SLC39A8: variants seen among roughly 807,000 people sequenced by gnomAD.
SLC39A8 encodes the protein solute carrier family 39 member 8, also known as metal cation symporter ZIP8.
Under a neutral mutation model 40.4 loss-of-function variants are expected in SLC39A8, and 15 were observed. The observed-to-expected ratio is 0.37, with a 90% CI of 0.25 to 0.57. SLC39A8 has a LOEUF of 0.57. Ranked by LOEUF, SLC39A8 falls within the 20% of genes least tolerant of loss-of-function variation. The probability of loss-of-function intolerance (pLI) is 0.75; values close to 1 mark genes in which losing one functional copy is unlikely to be tolerated. For synonymous variants in SLC39A8, 223 were observed against 221.6 expected, an observed-to-expected ratio of 1.01 and a Z score of -0.06; for missense variants, 472 against 558.8, an observed-to-expected ratio of 0.84 and a Z score of 1.57.
chr4:102,286,335 G>C (rs757271026), intron 6 of SLC39A8, among the ~76,000 whole-genome samples: 12 of 152,232 alleles, frequency 7.9e-5, no homozygotes, highest in Non-Finnish European at 1.5e-4. Flanking sequence ...ATGCATGACA[G>C]AACAACACAG....
chr4:102,284,539 C>T (rs761207226), intron 6 of SLC39A8, among the ~76,000 whole-genome samples: 7 of 152,278 alleles, frequency 4.6e-5, no homozygotes, highest in South Asian at 2.1e-4. Flanking sequence ...CATCTTCCTA[C>T]GCTTTAATAT....
chr4:102,319,125 C>T (rs939575316), intron 2 of SLC39A8, among the ~76,000 whole-genome samples: 5 of 152,166 alleles, frequency 3.3e-5, no homozygotes, highest in African/African-American at 1.2e-4. Context: ...TGCTCAAAAC[C>T]GTTTCAGCAA....
At chr4:102,333,087 TA>T (rs762578839) in intron 2 of SLC39A8, among the ~76,000 whole-genome samples, 8 of 152,178 alleles carry the variant, frequency 5.3e-5, no homozygotes, top group Middle Eastern at 3.4e-3. Context: ...ATGGGTGCAG[TA>T]AACCACCATG....
chr4:102,317,805 C>T (rs993704583), intron 2 of SLC39A8, among the ~76,000 whole-genome samples: 2 of 152,158 alleles, frequency 1.3e-5, no homozygotes, highest in Non-Finnish European at 2.9e-5. Context: ...TCTCCAAAGA[C>T]TTTTCAGAAT....
chr4:102,313,954 T>A (rs1227567352), intron 3 of SLC39A8, among the ~76,000 whole-genome samples: 1 of 151,806 alleles, frequency 6.6e-6, no homozygotes, highest in Non-Finnish European at 1.5e-5. Flanking sequence ...CTGAAAGCAA[T>A]CTCCTCTCCA....
intron 6 of SLC39A8, among the ~76,000 whole-genome samples, chr4:102,286,705 G>A (rs1224462319): frequency 1.3e-5 from 2 of 152,088 alleles, no homozygotes; most frequent in Non-Finnish European, 2.9e-5. Context: ...AATTTTTACA[G>A]ATGCTGCCAA....
rs574544737 is a variant in SLC39A8 at position 102,306,629 on chromosome 4, G to A, written c.552+807C>T. On this transcript the variant is annotated intron_variant, in intron 4 of 8. Coordinates refer to ENST00000356736, the MANE Select transcript of SLC39A8 (RefSeq NM_001135146.2). ...AATATTTTCTCTCTGTATGGGGTTT[G>A]TCTCTCCCTGTGTGTGTGCATTGTG... 2.6e-5 allele frequency among the ~76,000 whole-genome samples: 4 copies of A among 152,026 alleles called. No individual in the cohort carries two copies. The East Asian group carries it at 7.7e-4, about 29-fold the overall frequency.
Position 102,344,929 on chromosome 4 carries a change from G to A in SLC39A8, c.-253-14C>T. 2.4e-6 allele frequency: 3 copies of A among 1,245,244 alleles called. No homozygotes were observed. Among genetic ancestry groups the A allele is most frequent in the Non-Finnish European group, 3.0e-6 (3 of 995,642 alleles). 77.1% of individuals were successfully genotyped at this position (1,245,244 alleles called of 1,614,324 possible). A position where few individuals can be genotyped will look rare whatever the true frequency, so the allele number is the denominator to read the frequency against. The stretch of plus-strand genomic sequence containing the variant: ...CTCCTGGAGAGCCTGAGATAAAGAG[G>A]ACAAAGGGGGACAGAGATAAAGGCC... On this transcript the variant is annotated splice_polypyrimidine_tract_variant and intron_variant, in intron 1 of 8. Transcript: ENST00000356736.
chr4:102,311,637 T>TA (rs891910361), intron 3 of SLC39A8, among the ~76,000 whole-genome samples: 1 of 152,144 alleles, frequency 6.6e-6, no homozygotes, highest in Non-Finnish European at 1.5e-5. Context: ...AAATTATTAC[T>TA]AAAATGCAAT....
At chr4:102,324,630 A>T (rs981754943) in intron 2 of SLC39A8, among the ~76,000 whole-genome samples, 1 of 152,312 alleles carries the variant, frequency 6.6e-6, no homozygotes, top group Non-Finnish European at 1.5e-5. Context: ...ATATTTACCG[A>T]GCACTACTGC....
intron 6 of SLC39A8, among the ~76,000 whole-genome samples, chr4:102,282,610 T>G (rs892043482): frequency 1.0e-5 from 1 of 99,274 alleles, no homozygotes; most frequent in African/African-American, 2.8e-5. Context: ...TTATTTTTAA[T>G]TAAATGGTGG....
intron 6 of SLC39A8, among the ~76,000 whole-genome samples, chr4:102,289,827 C>A (rs1733342301): frequency 6.6e-6 from 1 of 152,118 alleles, no homozygotes; most frequent in Non-Finnish European, 1.5e-5. Context: ...AATGAGCAAA[C>A]AAAGTGGTTT....
intron 6 of SLC39A8, among the ~76,000 whole-genome samples, chr4:102,290,257 A>G (rs1733365263): frequency 6.6e-6 from 1 of 151,910 alleles, no homozygotes; most frequent in African/African-American, 2.4e-5. Flanking sequence ...TTTAGACATA[A>G]TGACAGTGCA....
intron 2 of SLC39A8, among the ~76,000 whole-genome samples, chr4:102,331,970 A>G (rs533040608): frequency 6.6e-6 from 1 of 152,344 alleles, no homozygotes; most frequent in Admixed American, 6.5e-5. Flanking sequence ...CCTATGTAGA[A>G]AACTGAAACT....
chr4:102,261,688 A>C lies in SLC39A8; in HGVS notation c.*1356T>G, dbSNP rs1423543928. On this transcript the variant is annotated 3_prime_UTR_variant, in exon 9 of 9. Transcript: ENST00000356736. ...ACATGGTTTCAAAAGGGTGTTTACT[A>C]TTTGGCCAAACAATATTTTTTAATT... 1.0e-6 allele frequency: 1 copy of C among 976,180 alleles called. No homozygotes were observed. The highest frequency in any genetic ancestry group is 1.2e-6 in the Non-Finnish European group (1 of 821,094). The allele number at this position is 976,180 out of a possible 1,614,324, so 60.5% of individuals were successfully genotyped here. A position where few individuals can be genotyped will look rare whatever the true frequency, so the allele number is the denominator to read the frequency against.
At chr4:102,321,910 T>C (rs1734983321) in intron 2 of SLC39A8, among the ~76,000 whole-genome samples, 1 of 152,238 alleles carries the variant, frequency 6.6e-6, no homozygotes. Context: ...ATACACGATT[T>C]GTGCAAAAGC....
intron 2 of SLC39A8, among the ~76,000 whole-genome samples, chr4:102,316,795 C>G (rs1401482462): frequency 6.6e-6 from 1 of 152,078 alleles, no homozygotes; most frequent in Non-Finnish European, 1.5e-5. Context: ...GCCCTAATCC[C>G]CAGTGTGATG....
chr4:102,314,210 C>G (rs1578605199), intron 3 of SLC39A8, among the ~76,000 whole-genome samples: 1 of 152,022 alleles, frequency 6.6e-6, no homozygotes, highest in African/African-American at 2.4e-5. Context: ...AGCATGATCT[C>G]CAGGACTCAT....
At chr4:102,287,432 T>A (rs1269976069) in intron 6 of SLC39A8, among the ~76,000 whole-genome samples, 1 of 152,154 alleles carries the variant, frequency 6.6e-6, no homozygotes, top group African/African-American at 2.4e-5. Context: ...CCAACTGTAT[T>A]ATCCCAGTAA....
Sources: gnomAD v4.1 joint callset for allele counts (sites outside exome capture counted in the v4.1 genomes callset) on GRCh38, gnomAD v4.1.1 for gene constraint, MANE v1.5 for transcripts, NCBI Gene and HGNC (gene_info 2026-07-23, HGNC 2026-07-21) for gene names.